Variants in CPEB1 observed in about 807,000 individuals in gnomAD.
CPEB1 encodes cytoplasmic polyadenylation element binding protein 1, also known as cytoplasmic polyadenylation element-binding protein 1.
Under a neutral mutation model 65.8 loss-of-function variants are expected in CPEB1, and 7 were observed. The ratio of observed to expected loss-of-function variants is 0.11; its 90% CI spans 0.06 to 0.20. The LOEUF is 0.20. Among genes scored for constraint, CPEB1 ranks in the 10% least tolerant of loss-of-function variants. The probability of loss-of-function intolerance (pLI) is 1.00; values close to 1 mark genes in which losing one functional copy is unlikely to be tolerated. For synonymous variants in CPEB1, 262 were observed against 260.0 expected, an observed-to-expected ratio of 1.01 and a Z score of -0.08; for missense variants, 551 against 712.2, an observed-to-expected ratio of 0.77 and a Z score of 2.58.
chr15:82,562,539 C>CTTAAAG (rs2038401288), intron 4 of CPEB1, among the ~76,000 whole-genome samples: 1 of 152,282 alleles, frequency 6.6e-6, no homozygotes, highest in East Asian at 1.9e-4. Context: ...TTTCCTCTGA[C>CTTAAAG]TTAAAGACTG....
chr15:82,642,786 A>C (rs1465746911), intron 1 of CPEB1, among the ~76,000 whole-genome samples: 1 of 152,202 alleles, frequency 6.6e-6, no homozygotes, highest in Non-Finnish European at 1.5e-5. Context: ...GAACAGGATG[A>C]GATTAGCACA....
chr15:82,545,719 A>G (rs1031673714), intron 12 of CPEB1, among the ~76,000 whole-genome samples: 13 of 152,216 alleles, frequency 8.5e-5, no homozygotes, highest in African/African-American at 3.1e-4. Flanking sequence ...ACCTGTGGGT[A>G]CAGCCCAGAT....
At chr15:82,632,903 A>G (rs1290310327) in intron 1 of CPEB1, among the ~76,000 whole-genome samples, 3 of 151,858 alleles carry the variant, frequency 2.0e-5, no homozygotes, top group Admixed American at 6.6e-5. Flanking sequence ...CCTACTATCC[A>G]CCCCATACTC....
intron 3 of CPEB1, among the ~76,000 whole-genome samples, chr15:82,584,538 C>T (rs1471657253): frequency 2.0e-5 from 3 of 151,680 alleles, no homozygotes; most frequent in Admixed American, 6.6e-5. Context: ...ATTAGCCAGG[C>T]GTGGTGGTGG....
rs188916680 is a variant in CPEB1 at position 82,588,213 on chromosome 15, G to A, written c.272-16681C>T. On this transcript the variant is annotated intron_variant, in intron 3 of 12. Coordinates refer to ENST00000684509, the MANE Select transcript of CPEB1 (RefSeq NM_001365242.1). ...TCCACCTGCCTTGGCCTCCCAAAGTGTGGGATTACAGGTGTGAGTGACCGC... is the reference window on the plus strand; with the variant it reads ...TCCACCTGCCTTGGCCTCCCAAAGTATGGGATTACAGGTGTGAGTGACCGC... 2.0e-5 allele frequency among the ~76,000 whole-genome samples: 3 copies of A among 152,020 alleles called. No individual in the cohort carries two copies. In the East Asian group the frequency reaches 5.8e-4, roughly 29 times the overall value.
rs1437302155 is a variant in CPEB1, at chr15:82,543,452, G to C, written c.*1140C>G. 2.1e-4 allele frequency: 8 copies of C among 38,512 alleles called. No homozygotes were observed. Among genetic ancestry groups the C allele is most frequent in the African/African-American group, 3.2e-4 (3 of 9,234 alleles). 2.4% of individuals were successfully genotyped at this position (38,512 alleles called of 1,614,324 possible). ...GGCAAGTAGTTTTTGTGGGTTTTTTGTTTCTTTTTAAAAAAAAAAAAAAAA... is the reference window on the plus strand; with the variant it reads ...GGCAAGTAGTTTTTGTGGGTTTTTTCTTTCTTTTTAAAAAAAAAAAAAAAA... On this transcript the variant is annotated 3_prime_UTR_variant, in exon 13 of 13. Coordinates refer to ENST00000684509, the MANE Select transcript of CPEB1 (RefSeq NM_001365242.1).
intron 1 of CPEB1, chr15:82,638,490 T>G (rs2151374587): frequency 6.6e-6 from 1 of 152,352 alleles, no homozygotes; most frequent in Admixed American, 6.5e-5. Flanking sequence ...AAATTCTTAT[T>G]TTTTTCTTCA....
chr15:82,587,225 T>TC (rs1232653243), intron 3 of CPEB1, among the ~76,000 whole-genome samples: 1 of 152,176 alleles, frequency 6.6e-6, no homozygotes, highest in Non-Finnish European at 1.5e-5. Context: ...GACAGGACTC[T>TC]CCAACTGCTG....
At chr15:82,639,345 A>C (rs141303989) in intron 1 of CPEB1, among the ~76,000 whole-genome samples, 3 of 152,246 alleles carry the variant, frequency 2.0e-5, no homozygotes, top group African/African-American at 7.2e-5. Context: ...AACATTTCCA[A>C]CACTCTATAA....
intron 3 of CPEB1, among the ~76,000 whole-genome samples, chr15:82,622,348 G>A (rs1295049891): frequency 6.6e-6 from 1 of 151,924 alleles, no homozygotes; most frequent in Non-Finnish European, 1.5e-5. Context: ...ACCACAGCAA[G>A]TCATAACTTT....
chr15:82,582,374 C>T (rs901913860), intron 3 of CPEB1, among the ~76,000 whole-genome samples: 18 of 152,172 alleles, frequency 1.2e-4, no homozygotes, highest in Non-Finnish European at 2.1e-4. Context: ...CCCTTAATAT[C>T]CTGGCACCAG....
chr15:82,605,796 T>TG, intron 3 of CPEB1, among the ~76,000 whole-genome samples: 1 of 152,244 alleles, frequency 6.6e-6, no homozygotes. Context: ...CCTAGCACTT[T>TG]GGGAGGCTGA....
In CPEB1 at chr15:82,628,561, C is replaced by T. The variant is rs940356321; in HGVS notation, c.-97-5G>A. On this transcript the variant is annotated splice_polypyrimidine_tract_variant and splice_region_variant and intron_variant, in intron 1 of 12. Transcript: ENST00000684509. Reference sequence around the variant, plus strand: ...TCTATTACACAGGCACTGAAACTAACGCAAATGGTGGAATTAGGATTGGTA... The same window carrying T: ...TCTATTACACAGGCACTGAAACTAATGCAAATGGTGGAATTAGGATTGGTA... 14 of 636,998 alleles carry T rather than the reference C, an allele frequency of 2.2e-5. No individual in the cohort carries two copies. Among genetic ancestry groups the T allele is most frequent in the African/African-American group, 1.6e-4 (9 of 54,792 alleles). 39.5% of individuals were successfully genotyped at this position (636,998 alleles called of 1,614,324 possible).
intron 3 of CPEB1, among the ~76,000 whole-genome samples, chr15:82,617,913 T>G (rs1315481420): frequency 6.6e-6 from 1 of 151,338 alleles, no homozygotes. Flanking sequence ...TTTTGTATTT[T>G]TAGTAGAGAC....
chr15:82,625,555 C>A (rs538741852), intron 3 of CPEB1, among the ~76,000 whole-genome samples: 1 of 152,202 alleles, frequency 6.6e-6, no homozygotes, highest in Admixed American at 6.5e-5. Flanking sequence ...TACCAAAATC[C>A]GCACATACTC....
At chr15:82,609,207 G>A (rs1011476394) in intron 3 of CPEB1, among the ~76,000 whole-genome samples, 3 of 152,164 alleles carry the variant, frequency 2.0e-5, no homozygotes, top group Non-Finnish European at 2.9e-5. Flanking sequence ...AAAATCCTAT[G>A]TTAAAGATTA....
chr15:82,639,509 C>T (rs2046932212), intron 1 of CPEB1, among the ~76,000 whole-genome samples: 1 of 151,522 alleles, frequency 6.6e-6, no homozygotes, highest in Non-Finnish European at 1.5e-5. Context: ...CCCCACTTAA[C>T]TTAGTATCTG....
chr15:82,574,722 CAAAAAAAAAAAAAAA>C (rs534968367), intron 3 of CPEB1, among the ~76,000 whole-genome samples: 3,017 of 53,610 alleles, frequency 0.056, 185 homozygotes, highest in African/African-American at 0.21. Flanking sequence ...GACTCGGTCT[CAAAAAAAAAAAAAAA>C]AAAAAAAAAA....
At chr15:82,591,357 G>A (rs966221188) in intron 3 of CPEB1, among the ~76,000 whole-genome samples, 1 of 152,154 alleles carries the variant, frequency 6.6e-6, no homozygotes, top group African/African-American at 2.4e-5. Context: ...TGCCTCCCAG[G>A]TTCAAATGAT....
Sources: allele counts gnomAD v4.1 joint callset (sites outside exome capture counted in the v4.1 genomes callset), GRCh38; gene constraint gnomAD v4.1.1; transcripts MANE v1.5; gene names NCBI Gene and HGNC (gene_info 2026-07-23, HGNC 2026-07-21).